The following NMNAT2 variants were observed in gnomAD, a reference collection of about 807,000 sequenced individuals.
NMNAT2 encodes nicotinamide/nicotinic acid mononucleotide adenylyltransferase 2.
In NMNAT2, 11 loss-of-function variants were observed where a neutral mutation model predicts 41.6. That is an observed-to-expected ratio of 0.26 (90% confidence interval 0.17 to 0.44). The LOEUF (loss-of-function observed/expected upper bound fraction) is 0.44, where lower values mean the gene tolerates loss of function less well. Among genes scored for constraint, NMNAT2 ranks in the 20% least tolerant of loss-of-function variants. The pLI is 1.00. For synonymous variants in NMNAT2, 148 were observed against 151.2 expected, an observed-to-expected ratio of 0.98 and a Z score of 0.16; for missense variants, 288 against 407.7, an observed-to-expected ratio of 0.71 and a Z score of 2.53.
At chr1:183,303,200 C>T (rs1661908762) in intron 1 of NMNAT2, among the ~76,000 whole-genome samples, 1 of 152,112 alleles carries the variant, frequency 6.6e-6, no homozygotes, top group Admixed American at 6.6e-5. Flanking sequence ...TCACCCTCCC[C>T]CACACAGCCT....
chr1:183,339,597 T>C (rs1662752038), intron 1 of NMNAT2, among the ~76,000 whole-genome samples: 1 of 151,870 alleles, frequency 6.6e-6, no homozygotes, highest in Non-Finnish European at 1.5e-5. Context: ...GTGTCCTCGT[T>C]TAAAGTTGGC....
intron 10 of NMNAT2, among the ~76,000 whole-genome samples, chr1:183,257,750 T>C (rs1435633025): frequency 2.0e-5 from 3 of 152,052 alleles, no homozygotes; most frequent in Non-Finnish European, 2.9e-5. Context: ...TATATTTGAG[T>C]CTTTTTTTCA....
intron 1 of NMNAT2, among the ~76,000 whole-genome samples, chr1:183,309,296 G>C (rs1348389664): frequency 1.3e-5 from 2 of 152,100 alleles, no homozygotes; most frequent in Non-Finnish European, 2.9e-5. Flanking sequence ...CACTGTGCCC[G>C]GCCTTTGGAG....
chr1:183,389,350 A>G (rs572590827), intron 1 of NMNAT2, among the ~76,000 whole-genome samples: 2 of 152,292 alleles, frequency 1.3e-5, no homozygotes, highest in East Asian at 1.9e-4. Context: ...TAAAAATAAT[A>G]TTCTCTTTCA....
chr1:183,327,355 C>A (rs962553602), intron 1 of NMNAT2, among the ~76,000 whole-genome samples: 2 of 152,090 alleles, frequency 1.3e-5, no homozygotes, highest in Admixed American at 6.6e-5. Flanking sequence ...TGTGCCTGGC[C>A]CTAATTATAC....
At chr1:183,417,891 G>T (rs1222387895) in intron 1 of NMNAT2, among the ~76,000 whole-genome samples, 1 of 152,014 alleles carries the variant, frequency 6.6e-6, no homozygotes, top group Non-Finnish European at 1.5e-5. Context: ...TCCAGTTCTG[G>T]TATCTCGAAC....
chr1:183,355,439 C>A (rs1447506595), intron 1 of NMNAT2, among the ~76,000 whole-genome samples: 1 of 152,176 alleles, frequency 6.6e-6, no homozygotes, highest in East Asian at 1.9e-4. Context: ...GGGTGGGACC[C>A]CAATCTGTGT....
In NMNAT2 at chr1:183,278,597, G is replaced by A; in HGVS notation, c.607C>T (p.Leu203=). ...CCTGGGATGCAGAAGGACTCCAGCA[G>A]GTCACTACCACACAGCAGCAGGATC... ...LRILLLCGSD[L]LESFCIPGLW... is the part of the protein sequence containing the mutation. Residue 203 remains leucine (L), a synonymous_variant, in exon 8 of 11, where the codon CTG becomes TTG. Coordinates refer to ENST00000287713, the MANE Select transcript of NMNAT2 (RefSeq NM_015039.4). The A allele has an allele frequency of 1.1e-5, 17 of 1,613,960 alleles. No individual in the cohort carries two copies. Among genetic ancestry groups the A allele is most frequent in the Non-Finnish European group, 1.4e-5 (17 of 1,179,838 alleles).
chr1:183,287,673 A>T (rs907534021), intron 4 of NMNAT2, among the ~76,000 whole-genome samples: 11 of 152,146 alleles, frequency 7.2e-5, no homozygotes, highest in African/African-American at 2.7e-4. Flanking sequence ...ACAAATTCCC[A>T]ATCTGTTTAG....
At chr1:183,280,737 CT>C (rs199717425) in intron 7 of NMNAT2, among the ~76,000 whole-genome samples, 5 of 119,988 alleles carry the variant, frequency 4.2e-5, no homozygotes, top group Non-Finnish European at 7.1e-5. Flanking sequence ...GACTTTTTTT[CT>C]TTTTTTTTGC....
intron 1 of NMNAT2, among the ~76,000 whole-genome samples, chr1:183,352,310 TC>T (rs934630654): frequency 6.6e-6 from 1 of 152,096 alleles, no homozygotes; most frequent in African/African-American, 2.4e-5. Context: ...ACACCCATAA[TC>T]CCAGCACTTA....
chr1:183,411,131 A>C (rs1440034944), intron 1 of NMNAT2, among the ~76,000 whole-genome samples: 4 of 151,924 alleles, frequency 2.6e-5, no homozygotes, highest in Non-Finnish European at 5.9e-5. Context: ...AACTTCCTCC[A>C]TGTTCCCACT....
intron 1 of NMNAT2, among the ~76,000 whole-genome samples, chr1:183,389,768 GAAAGAAAGAAAGA>G (rs1648390413): frequency 3.0e-5 from 1 of 33,814 alleles, no homozygotes; most frequent in African/African-American, 1.0e-4. Context: ...AAGAAAGAAA[GAAAGAAAGAAAGA>G]AAGAAAGAAA....
At chr1:183,279,192 G>T (rs574390836) in intron 7 of NMNAT2, among the ~76,000 whole-genome samples, 109 of 152,220 alleles carry the variant, frequency 7.2e-4, no homozygotes, top group Non-Finnish European at 1.3e-3. Context: ...CAAGGCTGAG[G>T]CCCCTCCCAG....
intron 3 of NMNAT2, among the ~76,000 whole-genome samples, chr1:183,291,300 G>A (rs1277560543): frequency 1.3e-5 from 2 of 152,028 alleles, no homozygotes; most frequent in South Asian, 2.1e-4. Flanking sequence ...CATGCCTAAA[G>A]TGCCCAGAGA....
intron 4 of NMNAT2, among the ~76,000 whole-genome samples, chr1:183,287,415 C>T (rs572717429): frequency 7.2e-5 from 11 of 152,264 alleles, no homozygotes; most frequent in African/African-American, 2.6e-4. Context: ...TGTGTTTGTG[C>T]TGCGGGAAGC....
Position 183,304,913 on chromosome 1 carries a change from T to A in NMNAT2, c.86-11120A>T, listed in dbSNP as rs1329233485. ...ACAGCCAGGAAATGATTTATGACCC[T>A]CCCTTCCATAACTGTCACTTCTGCC... On this transcript the variant is annotated intron_variant, in intron 1 of 10. Transcript: ENST00000287713. 14 of 1,414,184 alleles carry A rather than the reference T, an allele frequency of 9.9e-6. No homozygotes were observed. In the Middle Eastern group the frequency reaches 7.1e-4, roughly 71 times the overall value. The allele number at this position is 1,414,184 out of a possible 1,614,324, so 87.6% of individuals were successfully genotyped here. A position where few individuals can be genotyped will look rare whatever the true frequency, so the allele number is the denominator to read the frequency against.
At chr1:183,296,008 C>T (rs1169408046) in intron 1 of NMNAT2, among the ~76,000 whole-genome samples, 1 of 151,326 alleles carries the variant, frequency 6.6e-6, no homozygotes, top group African/African-American at 2.4e-5. Context: ...ACCACCATGC[C>T]CAGCTAATTT....
At chr1:183,365,985 A>G (rs557621253) in intron 1 of NMNAT2, among the ~76,000 whole-genome samples, 79 of 152,310 alleles carry the variant, frequency 5.2e-4, no homozygotes, top group Middle Eastern at 6.8e-3. Flanking sequence ...CTCTCCATCA[A>G]AAATGTTTTA....
Sources: allele counts gnomAD v4.1 joint callset (sites outside exome capture counted in the v4.1 genomes callset), GRCh38; gene constraint gnomAD v4.1.1; transcripts MANE v1.5; gene names NCBI Gene and HGNC (gene_info 2026-07-23, HGNC 2026-07-21).